Variants in PGPEP1L observed in about 807,000 individuals in gnomAD.
The protein encoded by PGPEP1L is pyroglutamyl-peptidase 1-like protein.
In PGPEP1L, 7 loss-of-function variants were observed where a neutral mutation model predicts 6.0. The ratio of observed to expected loss-of-function variants is 1.17; its 90% CI spans 0.66 to 2.19. The LOEUF is 2.19. Among genes scored for constraint, PGPEP1L ranks in the 30% most tolerant of loss-of-function variants. PGPEP1L has a pLI of 0.00. For missense variants in PGPEP1L, 209 were observed against 192.5 expected (o/e 1.09, Z -0.51); for synonymous variants, 103 against 83.9 (o/e 1.23, Z -1.24).
rs750557005 is a variant in PGPEP1L at position 98,979,041 on chromosome 15, A to C, written c.-141-7883T>G. Among the ~76,000 whole-genome samples, 676 of 151,030 alleles carry C rather than the reference A, an allele frequency of 4.5e-3. 5 individuals carry two copies. Among genetic ancestry groups the C allele is most frequent in the Non-Finnish European group, 6.4e-3 (432 of 67,936 alleles). ...CCGCGCCTGGCTACAGGATATATATATATATATATTTTTATTACATTTATG... is the reference window on the plus strand; with the variant it reads ...CCGCGCCTGGCTACAGGATATATATCTATATATATTTTTATTACATTTATG... On this transcript the variant is annotated intron_variant, in intron 2 of 4. Coordinates refer to ENST00000535714, the MANE Select transcript of PGPEP1L (RefSeq NM_001167902.2).
rs561683919 is a variant in PGPEP1L, at chr15:99,007,176, A to C, written c.-370+183T>G. On this transcript the variant is annotated intron_variant, in intron 1 of 4. Transcript: ENST00000535714. ...CAGGTGGGAAGCGCCATTTGCTCCC[A>C]CTAGTCTCCCACTCCCTGTCCTGAG... Among the ~76,000 whole-genome samples, 14 of 152,294 alleles carry C rather than the reference A, an allele frequency of 9.2e-5. No homozygotes were observed. In the East Asian group the frequency reaches 2.5e-3, roughly 27 times the overall value.
Position 99,005,568 on chromosome 15 carries a change from TGCTC to T in PGPEP1L, c.-285_-282del, listed in dbSNP as rs1299354877. On this transcript the variant is annotated 5_prime_UTR_variant, in exon 2 of 5. An upstream open reading frame in the 5' UTR gains an earlier in-frame stop. Coordinates refer to ENST00000535714, the MANE Select transcript of PGPEP1L (RefSeq NM_001167902.2). ...CGGGCACCTTCTCTGCCTGGCCGCG[TGCTC>T]GCCGGGGACCGGGGTGGAGCGGGAG... The T allele has an allele frequency of 6.6e-6, 1 of 152,302 alleles. No homozygotes were observed. Among genetic ancestry groups the T allele is most frequent in the East Asian group, 1.9e-4 (1 of 5,186 alleles). The allele number at this position is 152,302 out of a possible 1,614,324, so 9.4% of individuals were successfully genotyped here. A position where few individuals can be genotyped will look rare whatever the true frequency, so the allele number is the denominator to read the frequency against.
intron 2 of PGPEP1L, among the ~76,000 whole-genome samples, chr15:98,980,051 G>A (rs2017635117): frequency 6.6e-6 from 1 of 152,158 alleles, no homozygotes; most frequent in Non-Finnish European, 1.5e-5. Context: ...TGGGAAGCAG[G>A]TGAGGGATGA....
chr15:98,992,551 C>A (rs963156088), intron 2 of PGPEP1L, among the ~76,000 whole-genome samples: 4 of 152,096 alleles, frequency 2.6e-5, no homozygotes, highest in African/African-American at 9.7e-5. Context: ...CAATGCTATC[C>A]CCATCAAGCT....
intron 2 of PGPEP1L, among the ~76,000 whole-genome samples, chr15:99,004,471 G>C (rs1159443638): frequency 7.9e-5 from 12 of 152,028 alleles, no homozygotes; most frequent in African/African-American, 2.7e-4. Context: ...TGTAGTCCCA[G>C]CACTTTGGGA....
chr15:99,005,479 C>T lies in PGPEP1L; in HGVS notation c.-192G>A, dbSNP rs1374165975. 1.3e-5 allele frequency: 2 copies of T among 152,500 alleles called. No homozygotes were observed. The highest frequency in any genetic ancestry group is 4.8e-5 in the African/African-American group (2 of 41,474). 9.4% of individuals were successfully genotyped at this position (152,500 alleles called of 1,614,324 possible). ...GGAATCCATGAAGACGAAGTGGGAG[C>T]TCGCGCTGCGCCTCCCTGGCTCAGG... On this transcript the variant is annotated 5_prime_UTR_variant, in exon 2 of 5. Transcript: ENST00000535714.
At position 98,977,272 on chromosome 15, in the gene PGPEP1L, T is replaced by TA. The variant is rs1436481427; in HGVS notation, c.-141-6115_-141-6114insT. Among the ~76,000 whole-genome samples the TA allele has an allele frequency of 4.6e-5, 7 of 152,354 alleles. No homozygotes were observed. In the East Asian group the frequency reaches 1.3e-3, roughly 29 times the overall value. On this transcript the variant is annotated intron_variant, in intron 2 of 4. Transcript: ENST00000535714. ...TTCATCTTTACTATTACCTTTCTTC[T>TA]GCTTAGTTTAATTTGTTCTGTTAGT...
intron 2 of PGPEP1L, among the ~76,000 whole-genome samples, chr15:98,973,636 A>G (rs2017528625): frequency 6.6e-6 from 1 of 152,222 alleles, no homozygotes; most frequent in Non-Finnish European, 1.5e-5. Flanking sequence ...ATTAAAAAGA[A>G]AATTTAAAAA....
At chr15:98,996,379 C>T (rs1255846971) in intron 2 of PGPEP1L, among the ~76,000 whole-genome samples, 1 of 152,170 alleles carries the variant, frequency 6.6e-6, no homozygotes, top group African/African-American at 2.4e-5. Flanking sequence ...TTCATCTCCA[C>T]CCCCCTTGCT....
chr15:98,969,781 G>T, intron 3 of PGPEP1L, 130 bp from the exon 4 acceptor site: 1 of 876,884 alleles, frequency 1.1e-6, no homozygotes, highest in East Asian at 2.6e-5. Flanking sequence ...CAAATCCACT[G>T]GGAAACCCCA....
rs1409074626 is a variant in PGPEP1L at position 99,007,658 on chromosome 15, C to T, written c.-669G>A. 3.3e-5 allele frequency: 5 copies of T among 152,082 alleles called. No homozygotes were observed. Among genetic ancestry groups the T allele is most frequent in the African/African-American group, 1.2e-4 (5 of 41,440 alleles). The allele number at this position is 152,082 out of a possible 1,614,324, so 9.4% of individuals were successfully genotyped here. A position where few individuals can be genotyped will look rare whatever the true frequency, so the allele number is the denominator to read the frequency against. ...GATGTGGCTGGCTTTAAGAACGAAGCTGCAGACCTTCACGGTGAGCGTTAC... is the reference window on the plus strand; with the variant it reads ...GATGTGGCTGGCTTTAAGAACGAAGTTGCAGACCTTCACGGTGAGCGTTAC... On this transcript the variant is annotated 5_prime_UTR_variant, in exon 1 of 5. Coordinates refer to ENST00000535714, the MANE Select transcript of PGPEP1L (RefSeq NM_001167902.2).
At chr15:98,984,515 G>A (rs904052095) in intron 2 of PGPEP1L, among the ~76,000 whole-genome samples, 1 of 152,136 alleles carries the variant, frequency 6.6e-6, no homozygotes, top group Admixed American at 6.5e-5. Flanking sequence ...AAGATGCCAT[G>A]TGCCCTTTTG....
intron 3 of PGPEP1L, 145 bp from the exon 4 acceptor site, chr15:98,969,796 C>A (rs1225545672): frequency 1.3e-6 from 1 of 741,456 alleles, no homozygotes; most frequent in East Asian, 2.7e-5. Flanking sequence ...ACCCCAGGAT[C>A]CCCCACCAGT....
chr15:98,970,030 T>G (rs1417655287), intron 3 of PGPEP1L, among the ~76,000 whole-genome samples: 1 of 152,120 alleles, frequency 6.6e-6, no homozygotes, highest in African/African-American at 2.4e-5. Context: ...TGAATCTTTT[T>G]ATTTTATATT....
At chr15:99,000,524 A>G (rs2017950550) in intron 2 of PGPEP1L, among the ~76,000 whole-genome samples, 1 of 152,138 alleles carries the variant, frequency 6.6e-6, no homozygotes, top group African/African-American at 2.4e-5. Context: ...AAATACACCA[A>G]TCGGCACTCT....
chr15:98,973,189 CACCAGAGCACCTGAA>C (rs1370993831), intron 2 of PGPEP1L, among the ~76,000 whole-genome samples: 1 of 152,164 alleles, frequency 6.6e-6, no homozygotes, highest in Non-Finnish European at 1.5e-5. Context: ...ATGCACCTGA[CACCAGAGCACCTGAA>C]TATATAAAAC....
intron 3 of PGPEP1L, 33 bp from the exon 4 acceptor site, chr15:98,969,684 G>A (rs766942005): frequency 1.3e-6 from 2 of 1,598,034 alleles, no homozygotes; most frequent in East Asian, 2.2e-5. Flanking sequence ...AGAGAACCCA[G>A]GAAAACGAGG....
In PGPEP1L at chr15:99,005,431, G is replaced by A. The variant is rs1596531400; in HGVS notation, c.-144C>T. ...AGAAAAAAATTATGTAGTCTTACCA[G>A]TCACCACCACGCAGCTGGGCTGGGA... On this transcript the variant is annotated splice_region_variant and 5_prime_UTR_variant, in exon 2 of 5. Coordinates refer to ENST00000535714, the MANE Select transcript of PGPEP1L (RefSeq NM_001167902.2). The A allele has an allele frequency of 6.6e-6, 1 of 152,610 alleles. No individual in the cohort carries two copies. The highest frequency in any genetic ancestry group is 1.5e-5 in the Non-Finnish European group (1 of 68,100). 9.5% of individuals were successfully genotyped at this position (152,610 alleles called of 1,614,324 possible). A position where few individuals can be genotyped will look rare whatever the true frequency, so the allele number is the denominator to read the frequency against.
At chr15:98,978,547 CTT>C (rs1567236261) in intron 2 of PGPEP1L, among the ~76,000 whole-genome samples, 1 of 151,858 alleles carries the variant, frequency 6.6e-6, no homozygotes, top group Non-Finnish European at 1.5e-5. Flanking sequence ...GTAGACTTCC[CTT>C]TTTTGTTTTT....
Sources: gnomAD v4.1 joint callset for allele counts (sites outside exome capture counted in the v4.1 genomes callset) on GRCh38, gnomAD v4.1.1 for gene constraint, MANE v1.5 for transcripts, NCBI Gene and HGNC (gene_info 2026-07-23, HGNC 2026-07-21) for gene names.